Variants in COBL observed in about 807,000 individuals in gnomAD.
The protein encoded by COBL is cordon-bleu WH2 repeat protein.
Under a neutral mutation model 98.8 loss-of-function variants are expected in COBL, and 51 were observed. The observed-to-expected ratio is 0.52, with a 90% confidence interval of 0.41 to 0.65. The LOEUF (loss-of-function observed/expected upper bound fraction) is 0.65. Among genes scored for constraint, COBL ranks in the 30% least tolerant of loss-of-function variants. COBL has a pLI of 0.00. For missense variants in COBL, 1,617 were observed against 1,617.5 expected (o/e 1.00, Z 0.01); for synonymous variants, 634 against 651.7 (o/e 0.97, Z 0.41).
chr7:51,075,477 T>C (rs1792981406), intron 7 of COBL, among the ~76,000 whole-genome samples: 2 of 152,244 alleles, frequency 1.3e-5, no homozygotes, highest in South Asian at 2.1e-4. Context: ...GAAATAGTAA[T>C]GAAATGTACT....
At chr7:51,272,964 C>T (rs891386351) in intron 1 of COBL, among the ~76,000 whole-genome samples, 1 of 150,124 alleles carries the variant, frequency 6.7e-6, no homozygotes, top group African/African-American at 2.4e-5. Flanking sequence ...ACAACAACAA[C>T]AACAACAACA....
At chr7:51,258,392 G>A (rs1797390629) in intron 1 of COBL, among the ~76,000 whole-genome samples, 3 of 152,124 alleles carry the variant, frequency 2.0e-5, no homozygotes, top group Non-Finnish European at 2.9e-5. Flanking sequence ...CTCATTTACC[G>A]ACATTAAACC....
chr7:51,098,068 A>G (rs1795457706), intron 6 of COBL, among the ~76,000 whole-genome samples: 2 of 151,856 alleles, frequency 1.3e-5, no homozygotes, highest in Non-Finnish European at 2.9e-5. Flanking sequence ...AAGGAGATAA[A>G]AAAGACTTGC....
chr7:51,078,523 T>C (rs1196223572), intron 7 of COBL, among the ~76,000 whole-genome samples: 1 of 152,232 alleles, frequency 6.6e-6, no homozygotes, highest in African/African-American at 2.4e-5. Flanking sequence ...TCCCTAACTG[T>C]TGAAGTAGGT....
At chr7:51,019,119 G>A (rs952810536) in intron 12 of COBL, among the ~76,000 whole-genome samples, 1 of 150,918 alleles carries the variant, frequency 6.6e-6, no homozygotes, top group Non-Finnish European at 1.5e-5. Context: ...GTTTCCTGAG[G>A]GCCCCACTTA....
chr7:51,289,301 C>T (rs753840309), intron 1 of COBL, among the ~76,000 whole-genome samples: 4 of 152,208 alleles, frequency 2.6e-5, no homozygotes, highest in Non-Finnish European at 5.9e-5. Context: ...TGTCTGCTCT[C>T]CTAAGTCACC....
intron 4 of COBL, among the ~76,000 whole-genome samples, chr7:51,188,314 A>G (rs1789745490): frequency 6.6e-6 from 1 of 152,238 alleles, no homozygotes; most frequent in Non-Finnish European, 1.5e-5. Flanking sequence ...TGTCCCCTCC[A>G]AGTGCCTACC....
chr7:51,156,228 G>T (rs1475826552), intron 5 of COBL: 1 of 984,134 alleles, frequency 1.0e-6, no homozygotes, highest in East Asian at 1.2e-4. Flanking sequence ...TACAAGCCAA[G>T]AAGGCAAATT....
chr7:51,227,293 T>C (rs1235584726), intron 1 of COBL, among the ~76,000 whole-genome samples: 5 of 152,126 alleles, frequency 3.3e-5, no homozygotes, highest in African/African-American at 1.2e-4. Flanking sequence ...GAGGCTCAGA[T>C]GGACGCATGG....
At chr7:51,190,431 G>A (rs1789989839) in intron 4 of COBL, among the ~76,000 whole-genome samples, 1 of 152,016 alleles carries the variant, frequency 6.6e-6, no homozygotes, top group East Asian at 1.9e-4. Context: ...GTCCAGGCTG[G>A]TCTTGAACTC....
At chr7:51,035,929 A>C (rs1410109568) in intron 8 of COBL, 1 of 152,190 alleles carries the variant, frequency 6.6e-6, no homozygotes, top group Non-Finnish European at 1.5e-5. Context: ...AATGTTTCTC[A>C]ATGATTCCGC....
intron 5 of COBL, among the ~76,000 whole-genome samples, chr7:51,179,086 C>T (rs574315886): frequency 6.6e-6 from 1 of 152,298 alleles, no homozygotes; most frequent in South Asian, 2.1e-4. Context: ...GTCTTTCTCA[C>T]ATTGAACTAA....
intron 7 of COBL, among the ~76,000 whole-genome samples, chr7:51,075,901 A>T (rs1412003144): frequency 1.3e-5 from 2 of 152,208 alleles, no homozygotes; most frequent in African/African-American, 4.8e-5. Flanking sequence ...TTAAAAGTTC[A>T]GTTCCGTTTT....
intron 6 of COBL, among the ~76,000 whole-genome samples, chr7:51,114,274 A>C (rs908389938): frequency 6.6e-6 from 1 of 152,028 alleles, no homozygotes; most frequent in African/African-American, 2.4e-5. Flanking sequence ...CATCAAAGGC[A>C]AATCAGTGTG....
chr7:51,143,131 A>G (rs1411271827), intron 5 of COBL, among the ~76,000 whole-genome samples: 1 of 152,168 alleles, frequency 6.6e-6, no homozygotes, highest in Non-Finnish European at 1.5e-5. Flanking sequence ...ATTAAAAAGC[A>G]AGGAGTGGGG....
chr7:51,026,881 G>C (rs1419353300), intron 10 of COBL, among the ~76,000 whole-genome samples: 1 of 152,172 alleles, frequency 6.6e-6, no homozygotes, highest in South Asian at 2.1e-4. Flanking sequence ...CTGGGCCACA[G>C]AGTGAGTCTC....
At chr7:51,057,425 C>G (rs1241174536) in intron 7 of COBL, among the ~76,000 whole-genome samples, 2 of 152,088 alleles carry the variant, frequency 1.3e-5, no homozygotes. Flanking sequence ...AAGCAGGGGA[C>G]TACTATACTT....
At chr7:51,233,427 G>GA (rs10707190) in intron 1 of COBL, among the ~76,000 whole-genome samples, 1 of 151,748 alleles carries the variant, frequency 6.6e-6, no homozygotes, top group African/African-American at 2.4e-5. Context: ...TCAGTGGGGG[G>GA]AAAAAAAAGG....
intron 1 of COBL, among the ~76,000 whole-genome samples, chr7:51,296,629 TA>T: frequency 6.6e-6 from 1 of 152,304 alleles, no homozygotes; most frequent in Non-Finnish European, 1.5e-5. Context: ...ACTCTGAAAG[TA>T]TTTTACGGAA....
Sources: gnomAD v4.1 joint callset for allele counts (sites outside exome capture counted in the v4.1 genomes callset) on GRCh38, gnomAD v4.1.1 for gene constraint, MANE v1.5 for transcripts, NCBI Gene and HGNC (gene_info 2026-07-23, HGNC 2026-07-21) for gene names.